Variants in OSBPL10 observed in about 807,000 individuals in gnomAD.
OSBPL10 encodes the protein oxysterol binding protein like 10, also known as oxysterol-binding protein-related protein 10.
A neutral mutation model predicts 81.7 loss-of-function variants in OSBPL10; 49 were observed. The ratio of observed to expected loss-of-function variants is 0.60; its 90% CI spans 0.48 to 0.76. OSBPL10 has a LOEUF of 0.76. Ranked by LOEUF, OSBPL10 falls within the 30% of genes least tolerant of loss-of-function variation. The pLI, the probability that OSBPL10 is intolerant of heterozygous loss-of-function variation, is 0.00. For missense variants in OSBPL10, 923 were observed against 987.8 expected (o/e 0.93, Z 0.88); for synonymous variants, 419 against 383.6 (o/e 1.09, Z -1.08).
At chr3:31,965,781 T>TTTATATAATATATATTATATA (rs1553644539) in intron 1 of OSBPL10, among the ~76,000 whole-genome samples, 3 of 56,904 alleles carry the variant, frequency 5.3e-5, no homozygotes, top group African/African-American at 2.2e-4. Context: ...ATATATTATA[T>TTTATATAATATATATTATATA]AAATAGATAA....
chr3:31,701,532 C>T (rs949210951), intron 7 of OSBPL10: 6 of 152,310 alleles, frequency 3.9e-5, no homozygotes, highest in South Asian at 2.1e-4. Flanking sequence ...ATTCTCACAC[C>T]ACCGTGCCAG....
In OSBPL10 at chr3:31,986,714, A is replaced by C. The variant is rs2125516165; in HGVS notation, n.298+59777T>G. Among the ~76,000 whole-genome samples, 2 of 152,316 alleles carry C rather than the reference A, an allele frequency of 1.3e-5. 1 individual carries two copies. The highest frequency in any genetic ancestry group is 4.1e-4 in the South Asian group (2 of 4,826). On this transcript the variant is annotated intron_variant and non_coding_transcript_variant, in intron 2 of 3. Coordinates refer to the OSBPL10 transcript ENST00000479173. Reference sequence around the variant, plus strand: ...TTCAAAGATTTGCACACAAAATTATAAAGTAAAAACTGAAGACCAGGTGCA... The same window carrying C: ...TTCAAAGATTTGCACACAAAATTATCAAGTAAAAACTGAAGACCAGGTGCA...
At chr3:31,897,052 A>C (rs948588625) in intron 1 of OSBPL10, among the ~76,000 whole-genome samples, 1 of 151,978 alleles carries the variant, frequency 6.6e-6, no homozygotes, top group African/African-American at 2.4e-5. Context: ...AGAACCAGAA[A>C]TCAGAGAAAC....
chr3:31,908,020 G>A (rs575488058), intron 1 of OSBPL10, among the ~76,000 whole-genome samples: 143 of 152,270 alleles, frequency 9.4e-4, no homozygotes, highest in Non-Finnish European at 1.3e-3. Flanking sequence ...CTGTCTGTAA[G>A]GTGACTCTGA....
intron 2 of OSBPL10, chr3:31,991,241 T>A: frequency 2.5e-6 from 1 of 404,330 alleles, no homozygotes; most frequent in Non-Finnish European, 4.5e-6. Flanking sequence ...AGGTCAGGAG[T>A]TTGAGACCAT....
intron 4 of OSBPL10, among the ~76,000 whole-genome samples, chr3:31,787,963 CAT>C (rs774189650): frequency 5.0e-4 from 76 of 151,920 alleles, no homozygotes; most frequent in Non-Finnish European, 9.6e-4. Context: ...TAAATGGAAA[CAT>C]ATATTAAGTA....
At chr3:31,809,035 CAAA>C (rs1489439872) in intron 4 of OSBPL10, among the ~76,000 whole-genome samples, 1 of 152,016 alleles carries the variant, frequency 6.6e-6, no homozygotes, top group African/African-American at 2.4e-5. Flanking sequence ...GCATTTTCAG[CAAA>C]AGTAAGACTA....
Position 31,683,953 on chromosome 3 carries a change from G to A in OSBPL10, c.1407C>T (p.Gly469=), listed in dbSNP as rs768622244. Residue 469 remains glycine, a synonymous_variant, in exon 8 of 12, where the codon GGC becomes GGT. Transcript: ENST00000396556. The part of the protein sequence containing the change: ...VEYYLTAFHE[G]RKGALAKKPY... ...GCTTCTTGGCTAAAGCGCCCTTGCG[G>A]CCCTCGTGAAAGGCTGTGAGATAAT... The A allele has an allele frequency of 1.7e-5, 28 of 1,614,092 alleles. No individual in the cohort carries two copies. The highest frequency in any genetic ancestry group is 2.3e-5 in the Non-Finnish European group (27 of 1,180,054).
chr3:32,067,761 C>T (rs892807938), intron 1 of OSBPL10, among the ~76,000 whole-genome samples: 13 of 152,188 alleles, frequency 8.5e-5, no homozygotes, highest in African/African-American at 3.1e-4. Context: ...CAAAACATTG[C>T]TCCTAACTCC....
At chr3:31,870,376 G>A (rs545558689) in intron 3 of OSBPL10, among the ~76,000 whole-genome samples, 120 of 152,372 alleles carry the variant, frequency 7.9e-4, no homozygotes, top group Non-Finnish European at 1.5e-3. Flanking sequence ...CGGACCTGCA[G>A]CCCGCCATGC....
At chr3:31,777,844 G>C (rs1237504587) in intron 4 of OSBPL10, among the ~76,000 whole-genome samples, 1 of 152,230 alleles carries the variant, frequency 6.6e-6, no homozygotes, top group Non-Finnish European at 1.5e-5. Context: ...AGTGAGAAGA[G>C]CCTTTTAGGC....
intron 3 of OSBPL10, among the ~76,000 whole-genome samples, chr3:31,850,826 A>G (rs747338299): frequency 1.5e-4 from 23 of 152,242 alleles, no homozygotes; most frequent in Non-Finnish European, 2.9e-4. Flanking sequence ...TGCTCCATCT[A>G]CTTTACGGAA....
rs112474039 is a variant in OSBPL10, at chr3:31,873,074, G to T, written c.537+3359C>A. 6.8e-4 allele frequency among the ~76,000 whole-genome samples: 104 copies of T among 152,244 alleles called. No homozygotes were observed. The Middle Eastern group carries it at 0.014, about 20-fold the overall frequency. ...GTCAGCGAGGAGATTGATCATAAAG[G>T]GGGTAACGAGGGAACCTGCTGGCAG... On this transcript the variant is annotated intron_variant, in intron 3 of 11. Coordinates refer to ENST00000396556, the MANE Select transcript of OSBPL10 (RefSeq NM_017784.5).
At chr3:32,007,043 C>T (rs1699212653) in intron 2 of OSBPL10, among the ~76,000 whole-genome samples, 1 of 152,124 alleles carries the variant, frequency 6.6e-6, no homozygotes, top group Admixed American at 6.5e-5. Context: ...GCTGGGATTA[C>T]AGATGTGAGC....
At chr3:31,888,078 A>T (rs1449591509) in intron 1 of OSBPL10, among the ~76,000 whole-genome samples, 1 of 152,254 alleles carries the variant, frequency 6.6e-6, no homozygotes, top group Non-Finnish European at 1.5e-5. Flanking sequence ...AAAAGATACT[A>T]CAAAGCTGTA....
At chr3:31,863,213 G>A (rs1701100282) in intron 3 of OSBPL10, among the ~76,000 whole-genome samples, 1 of 152,096 alleles carries the variant, frequency 6.6e-6, no homozygotes, top group Admixed American at 6.5e-5. Context: ...ATCCAAAAGA[G>A]GCAAATCCAT....
chr3:32,022,391 CAA>C (rs1326003841), intron 2 of OSBPL10, among the ~76,000 whole-genome samples: 2 of 152,120 alleles, frequency 1.3e-5, no homozygotes, highest in African/African-American at 4.8e-5. Flanking sequence ...CAGTTACAGG[CAA>C]AGTCATAAAT....
At chr3:31,698,222 G>C (rs766623775) in intron 7 of OSBPL10, among the ~76,000 whole-genome samples, 6 of 151,944 alleles carry the variant, frequency 3.9e-5, no homozygotes, top group Non-Finnish European at 8.8e-5. Context: ...GGCCAAGGCA[G>C]GTGGATCACT....
At chr3:32,015,456 G>A (rs1017383578) in intron 2 of OSBPL10, among the ~76,000 whole-genome samples, 1 of 152,082 alleles carries the variant, frequency 6.6e-6, no homozygotes, top group Non-Finnish European at 1.5e-5. Flanking sequence ...CAAGATGGAT[G>A]GATTAAAGAC....
Sources: allele counts gnomAD v4.1 joint callset (sites outside exome capture counted in the v4.1 genomes callset), GRCh38; gene constraint gnomAD v4.1.1; transcripts MANE v1.5; gene names NCBI Gene and HGNC (gene_info 2026-07-23, HGNC 2026-07-21).